GOLGA8O: variants seen among roughly 807,000 people sequenced by gnomAD.
GOLGA8O encodes golgin subfamily A member 8O.
In GOLGA8O, 4 loss-of-function variants were observed where a neutral mutation model predicts 29.7. The observed-to-expected ratio is 0.13, with a 90% CI of 0.07 to 0.31. The LOEUF is 0.31. Ranked by LOEUF, GOLGA8O falls within the 10% of genes least tolerant of loss-of-function variation. GOLGA8O has a pLI of 1.00. For missense variants in GOLGA8O, 32 were observed against 216.5 expected (o/e 0.15, Z 5.35); for synonymous variants, 6 against 78.0 (o/e 0.08, Z 4.87).
Position 32,444,454 on chromosome 15 carries a change from AG to A in GOLGA8O, c.*651del, listed in dbSNP as rs2055061235. 7.9e-6 allele frequency among the ~76,000 whole-genome samples: 1 copy of A among 127,106 alleles called. No homozygotes were observed. Among genetic ancestry groups the A allele is most frequent in the African/African-American group, 2.7e-5 (1 of 37,462 alleles). 83.4% of individuals were successfully genotyped at this position (127,106 alleles called of 152,430 possible). ...CTATCTTGCACATACCTGCCAGAGG[AG>A]GCCACTTTCCTCTTCTGTGAGATTT... On this transcript the variant is annotated 3_prime_UTR_variant, in exon 19 of 19. Coordinates refer to ENST00000509311, the MANE Select transcript of GOLGA8O (RefSeq NM_001277308.1).
chr15:32,451,500 T>C (rs2055131692), intron 5 of GOLGA8O, 101 bp downstream of exon 5: 1 of 1,591,756 alleles, frequency 6.3e-7, no homozygotes, highest in South Asian at 1.1e-5. Context: ...GGGTGAGCCT[T>C]CTTCCCCAAG....
chr15:32,445,606 T>C lies in GOLGA8O; in HGVS notation c.1567+12A>G. On this transcript the variant is annotated intron_variant, in intron 17 of 18. Coordinates refer to ENST00000509311, the MANE Select transcript of GOLGA8O (RefSeq NM_001277308.1). ...CCCACCCCCACCCCCACAGAGATGT[T>C]GCACACCCTACCTTCATCTCCTCCC... is the stretch of plus-strand genomic sequence containing the variant. 8.9e-6 allele frequency: 1 copy of C among 112,392 alleles called. No individual in the cohort carries two copies. The highest frequency in any genetic ancestry group is 1.8e-5 in the Non-Finnish European group (1 of 55,778). The allele number at this position is 112,392 out of a possible 1,614,324, so 7.0% of individuals were successfully genotyped here.
At chr15:32,458,602 T>C (rs1188589352), upstream of GOLGA8O, among the ~76,000 whole-genome samples, 2 of 101,630 alleles carry the variant, frequency 2.0e-5, no homozygotes, top group African/African-American at 4.0e-5. Flanking sequence ...CACAAAGAAC[T>C]CCCAATCAAT....
intron 17 of GOLGA8O, 41 bp downstream of exon 17, chr15:32,445,574 ACCC>A: frequency 1.6e-3 from 6 of 3,754 alleles, no homozygotes; most frequent in Admixed American, 3.3e-3. Context: ...CCACCCTCAC[ACCC>A]ACCCCCACCC....
upstream of GOLGA8O, among the ~76,000 whole-genome samples, chr15:32,458,862 G>T (rs201376982): frequency 0.3 from 17,408 of 57,870 alleles, 226 homozygotes; most frequent in East Asian, 0.44. Flanking sequence ...GCCCAAACTA[G>T]TCTTGAGCTC....
chr15:32,450,532 C>CACACACAA (rs2055108466), intron 8 of GOLGA8O, among the ~76,000 whole-genome samples: 1 of 143,474 alleles, frequency 7.0e-6, no homozygotes, highest in African/African-American at 2.6e-5. Flanking sequence ...CACACACACA[C>CACACACAA]ACACACACAC....
Position 32,450,954 on chromosome 15 carries a change from G to C in GOLGA8O, c.550C>G (p.Leu184Val). 1 of 1,409,088 alleles carries C rather than the reference G, an allele frequency of 7.1e-7. No homozygotes were observed. The highest frequency in any genetic ancestry group is 1.6e-5 in the African/African-American group (1 of 62,802). 87.3% of individuals were successfully genotyped at this position (1,409,088 alleles called of 1,614,324 possible). The change falls in exon 8 of 19, where the codon CTG (leucine) becomes GTG (valine). Residue 184 changes from leucine to valine, a missense_variant. Leu to Val is a conservative substitution (Grantham distance 32, BLOSUM62 1). Transcript: ENST00000509311. ...LQCKGELESA[L>V]SAVIATEKKK... ...TTCTCTGTGGCGATGACAGCAGACAGAGCGCTCTCTAACTCTCCTTTACAC... is the reference window on the plus strand; with the variant it reads ...TTCTCTGTGGCGATGACAGCAGACACAGCGCTCTCTAACTCTCCTTTACAC...
At chr15:32,450,553 G>GCACA (rs1566990852) in intron 8 of GOLGA8O, among the ~76,000 whole-genome samples, 109 of 75,934 alleles carry the variant, frequency 1.4e-3, no homozygotes, top group African/African-American at 4.5e-3. Context: ...ACACACACAT[G>GCACA]CACGCGTTTC....
intron 5 of GOLGA8O, 68 bp downstream of exon 5, chr15:32,451,533 T>G: frequency 1.3e-6 from 2 of 1,597,148 alleles, no homozygotes; most frequent in East Asian, 2.2e-5. Flanking sequence ...GAGACGAGAC[T>G]GGGGCCTGTA....
At chr15:32,450,644 C>T (rs1193280649) in intron 8 of GOLGA8O, among the ~76,000 whole-genome samples, 6 of 152,058 alleles carry the variant, frequency 3.9e-5, no homozygotes, top group Admixed American at 1.3e-4. Context: ...CCACCTAGGA[C>T]TTGCCCAAGA....
upstream of GOLGA8O, among the ~76,000 whole-genome samples, chr15:32,458,621 ATTTTTATT>A (rs1323885940): frequency 1.1e-5 from 1 of 90,730 alleles, no homozygotes; most frequent in African/African-American, 4.8e-5. Context: ...ATTTTTATTT[ATTTTTATT>A]TTTATTTATT....
chr15:32,455,917 T>TTA (rs1372014560), upstream of GOLGA8O: 14 of 124,032 alleles, frequency 1.1e-4, no homozygotes, highest in African/African-American at 1.5e-4. Flanking sequence ...TGTGTATACT[T>TTA]TATATATATG....
At position 32,451,288 on chromosome 15, in the gene GOLGA8O, C is replaced by CACCTCT. The variant is rs1489193472; in HGVS notation, c.393_396+2dup. On this transcript the variant is annotated splice_region_variant and intron_variant, in intron 6 of 18. Coordinates refer to ENST00000509311, the MANE Select transcript of GOLGA8O (RefSeq NM_001277308.1). The stretch of plus-strand genomic sequence containing the variant: ...AGGAGGAAACTGCACACCCTCCACT[C>CACCTCT]ACCTCTAGCTCCCTTTCGGCTTTCT... The CACCTCT allele has an allele frequency of 8.1e-5, 60 of 744,420 alleles. No individual in the cohort carries two copies. The highest frequency in any genetic ancestry group is 1.2e-4 in the Non-Finnish European group (53 of 452,888). 46.1% of individuals were successfully genotyped at this position (744,420 alleles called of 1,614,324 possible).
intron 8 of GOLGA8O, among the ~76,000 whole-genome samples, chr15:32,450,676 G>A (rs1415372023): frequency 6.6e-6 from 1 of 152,132 alleles, no homozygotes; most frequent in African/African-American, 2.4e-5. Context: ...TAAGGGCGGG[G>A]CAGGCACTTG....
At chr15:32,459,293 CAAAAAAA>C (rs1278269909), upstream of GOLGA8O, among the ~76,000 whole-genome samples, 32 of 40,482 alleles carry the variant, frequency 7.9e-4, 2 homozygotes, top group African/African-American at 2.7e-3. Flanking sequence ...AACTGGGTCT[CAAAAAAA>C]AAAAAAAAAA....
Position 32,455,333 on chromosome 15 carries a change from GCTGA to G in GOLGA8O, c.48+152_48+155del, listed in dbSNP as rs966992751. ...CTGGGCTGCTTTCTGAAGGGGTGGG[GCTGA>G]CTGACAAAACTTTGGTGGGGGTAGC... On this transcript the variant is annotated intron_variant, in intron 1 of 18. Transcript: ENST00000509311. Among the ~76,000 whole-genome samples, 12 of 83,600 alleles carry G rather than the reference GCTGA, an allele frequency of 1.4e-4. 3 individuals carry two copies. The highest frequency in any genetic ancestry group is 2.4e-4 in the Non-Finnish European group (10 of 41,562). The allele number at this position is 83,600 out of a possible 152,430, so 54.8% of individuals were successfully genotyped here.
At chr15:32,445,998 GCTTCTCCGTGA>G (rs2055072048) in intron 15 of GOLGA8O, 100 bp from the exon 16 acceptor site, 2 of 464,326 alleles carry the variant, frequency 4.3e-6, no homozygotes, top group Non-Finnish European at 3.9e-6. Context: ...GCATGGGCCA[GCTTCTCCGTGA>G]CTTCCTGCAG....
At chr15:32,458,881 A>C (rs2055208919), upstream of GOLGA8O, among the ~76,000 whole-genome samples, 1 of 92,994 alleles carries the variant, frequency 1.1e-5, no homozygotes, top group Admixed American at 9.5e-5. Context: ...TCCTGGGCTC[A>C]AGTGATCCTC....
At position 32,451,311 on chromosome 15, in the gene GOLGA8O, T is replaced by A; in HGVS notation, c.376A>T (p.Lys126Ter). The A allele has an allele frequency of 1.3e-6, 1 of 746,464 alleles. No homozygotes were observed. Among genetic ancestry groups the A allele is most frequent in the South Asian group, 1.6e-5 (1 of 63,358 alleles). The allele number at this position is 746,464 out of a possible 1,614,324, so 46.2% of individuals were successfully genotyped here. ...EEKKANNERQ[K>*]AERELEVQIQ... ...CTCACCTCTAGCTCCCTTTCGGCTT[T>A]CTGTCTCTCGTTGTTTGCTTTCTTT... Residue 126 changes from lysine (K) to a stop codon, truncating the protein, a stop_gained, in exon 6 of 19, where the codon AAA becomes TAA. Coordinates refer to ENST00000509311, the MANE Select transcript of GOLGA8O (RefSeq NM_001277308.1). LOFTEE classifies it high-confidence loss of function.
Sources: allele counts gnomAD v4.1 joint callset (sites outside exome capture counted in the v4.1 genomes callset), GRCh38; gene constraint gnomAD v4.1.1; transcripts MANE v1.5; gene names NCBI Gene and HGNC (gene_info 2026-07-23, HGNC 2026-07-21).